The following INTS14 variants were observed in gnomAD, a reference collection of about 807,000 sequenced individuals.
INTS14 encodes UPF0464 protein C15orf44.
A neutral mutation model predicts 56.9 loss-of-function variants in INTS14; 27 were observed. The observed-to-expected ratio is 0.47, with a 90% CI of 0.35 to 0.65. The LOEUF (loss-of-function observed/expected upper bound fraction) is 0.65, where lower values mean the gene tolerates loss of function less well. Among genes scored for constraint, INTS14 ranks in the 30% least tolerant of loss-of-function variants. The probability of loss-of-function intolerance (pLI) is 0.00; values close to 1 mark genes in which losing one functional copy is unlikely to be tolerated. For missense variants in INTS14, 517 were observed against 632.2 expected, an observed-to-expected ratio of 0.82 and a Z score of 1.95; for synonymous variants, 207 against 236.2, an observed-to-expected ratio of 0.88 and a Z score of 1.13.
At chr15:65,579,989 C>A (rs965633845) in intron 11 of INTS14, among the ~76,000 whole-genome samples, 1 of 152,038 alleles carries the variant, frequency 6.6e-6, no homozygotes, top group African/African-American at 2.4e-5. Context: ...AGTACTTTTC[C>A]CCTGTTATTT....
At position 65,607,166 on chromosome 15, in the gene INTS14, G is replaced by T. The variant is rs763609398; in HGVS notation, c.215C>A (p.Thr72Asn). The T allele has an allele frequency of 1.1e-5, 18 of 1,613,980 alleles. No homozygotes were observed. Among genetic ancestry groups the T allele is most frequent in the East Asian group, 4.5e-5 (2 of 44,900 alleles). Residue 72 changes from threonine to asparagine, a missense_variant, in exon 2 of 12, where the codon ACC becomes AAC. Thr to Asn is a moderately conservative substitution (Grantham distance 65). Transcript: ENST00000313182. ...LMVPFTRDYNTLQEALSNMDD... is the reference protein window; with the variant it reads ...LMVPFTRDYNNLQEALSNMDD... ...ACTTACTACATTTTGTACCTGTAGG[G>T]TATTATAATCTCTCGTGAAGGGGAC...
At chr15:65,605,083 G>A (rs2073595943) in intron 3 of INTS14, 46 bp downstream of exon 3, 1 of 1,420,738 alleles carries the variant, frequency 7.0e-7, no homozygotes, top group African/African-American at 1.4e-5. Flanking sequence ...GCACCTCAGT[G>A]GTTAATGTTG....
intron 9 of INTS14, 29 bp downstream of exon 9, chr15:65,591,569 G>A (rs1182057329): frequency 6.2e-7 from 1 of 1,607,642 alleles, no homozygotes; most frequent in Non-Finnish European, 8.5e-7. Flanking sequence ...AACAAAGTCA[G>A]GATAAGTAAA....
chr15:65,600,677 AG>A (rs1317923159), intron 3 of INTS14, among the ~76,000 whole-genome samples: 1 of 152,004 alleles, frequency 6.6e-6, no homozygotes, highest in Non-Finnish European at 1.5e-5. Flanking sequence ...CAACAAAAAA[AG>A]GCACGAGAAA....
intron 6 of INTS14, among the ~76,000 whole-genome samples, chr15:65,596,731 TG>T (rs2073226257): frequency 6.6e-6 from 1 of 152,114 alleles, no homozygotes; most frequent in Non-Finnish European, 1.5e-5. Context: ...CCACCACGCC[TG>T]GCTAATTTTG....
chr15:65,608,415 A>C (rs888220894), intron 1 of INTS14, among the ~76,000 whole-genome samples: 1 of 151,954 alleles, frequency 6.6e-6, no homozygotes, highest in African/African-American at 2.4e-5. Context: ...TTATCTCATG[A>C]AATTGGGTAG....
intron 6 of INTS14, among the ~76,000 whole-genome samples, chr15:65,596,319 A>G (rs2073210307): frequency 6.6e-6 from 1 of 152,224 alleles, no homozygotes; most frequent in Non-Finnish European, 1.5e-5. Context: ...GTAAAGACCA[A>G]AAGTATTTGT....
chr15:65,585,100 T>C (rs1176602181), intron 9 of INTS14, among the ~76,000 whole-genome samples: 1 of 152,214 alleles, frequency 6.6e-6, no homozygotes, highest in Non-Finnish European at 1.5e-5. Flanking sequence ...AACAGCTTAA[T>C]GTTTTTAAAG....
intron 7 of INTS14, 43 bp downstream of exon 7, chr15:65,595,688 TAG>T: frequency 6.9e-7 from 1 of 1,447,162 alleles, no homozygotes; most frequent in Non-Finnish European, 9.5e-7. Context: ...AGAACAACTT[TAG>T]TTAATAAGAC....
chr15:65,607,269 G>T lies in INTS14; in HGVS notation c.112C>A (p.Leu38Met), dbSNP rs911313760. ...KHLAAHGLTM[L>M]FEHMATNYKL... ...TAATTTGTGGCCATGTGCTCAAACAGCATCGTTAAACCATGGGCTGCTAGG... is the reference window on the plus strand; with the variant it reads ...TAATTTGTGGCCATGTGCTCAAACATCATCGTTAAACCATGGGCTGCTAGG... Residue 38 changes from leucine to methionine, a missense_variant, in exon 2 of 12, where the codon CTG (leucine) becomes ATG (methionine). Physicochemically the swap from Leu to Met is conservative, Grantham distance 15 (BLOSUM62 2). Transcript: ENST00000313182. 5 of 1,614,146 alleles carry T rather than the reference G, an allele frequency of 3.1e-6. No individual in the cohort carries two copies. Among genetic ancestry groups the T allele is most frequent in the Non-Finnish European group, 4.2e-6 (5 of 1,180,026 alleles).
At chr15:65,608,024 T>C (rs1488225303) in intron 1 of INTS14, among the ~76,000 whole-genome samples, 1 of 152,326 alleles carries the variant, frequency 6.6e-6, no homozygotes, top group East Asian at 1.9e-4. Flanking sequence ...CTCAGTAGTA[T>C]TCATTGTACA....
intron 10 of INTS14, 131 bp downstream of exon 10, chr15:65,584,639 G>T: frequency 1.4e-6 from 1 of 738,492 alleles, no homozygotes; most frequent in Non-Finnish European, 2.1e-6. Context: ...ATCCCTTTTG[G>T]AAATAATGAC....
chr15:65,604,895 G>A lies in INTS14; in HGVS notation c.330+234C>T, dbSNP rs546051758. On this transcript the variant is annotated intron_variant, in intron 3 of 11. Coordinates refer to ENST00000313182, the MANE Select transcript of INTS14 (RefSeq NM_001394796.1). Reference sequence around the variant, plus strand: ...TGAGCCCTTTGTGTTTTATATAACAGTACTAGTTTGCAATAAGTCAATTTA... The same window carrying A: ...TGAGCCCTTTGTGTTTTATATAACAATACTAGTTTGCAATAAGTCAATTTA... Among the ~76,000 whole-genome samples, 34 of 152,266 alleles carry A rather than the reference G, an allele frequency of 2.2e-4. No individual in the cohort carries two copies. The East Asian group carries it at 3.9e-3, about 17-fold the overall frequency.
Position 65,590,178 on chromosome 15 carries a change from A to G in INTS14, c.1120+1420T>C, listed in dbSNP as rs543053022. Among the ~76,000 whole-genome samples the G allele has an allele frequency of 1.8e-3, 281 of 152,306 alleles. 1 individual carries two copies. In the Middle Eastern group the frequency reaches 0.02, roughly 11 times the overall value. ...ATCTTCACATTTCCAGGATTAACAC[A>G]GTAACTTTCAGCCACAGGTCCTTGC... On this transcript the variant is annotated intron_variant, in intron 9 of 11. Coordinates refer to ENST00000313182, the MANE Select transcript of INTS14 (RefSeq NM_001394796.1).
chr15:65,591,697 C>T lies in INTS14; in HGVS notation c.1021G>A (p.Asp341Asn). The T allele has an allele frequency of 6.2e-7, 1 of 1,614,176 alleles. No homozygotes were observed. ...ATGAGGTTTGATTTCTTCTTGCTGT[C>T]AGCTTGGGAGTAGAGCATTCCATGC... Reference protein sequence around the residue: ...EWHGMLYSQADSKKKSNLMMS... With the variant: ...EWHGMLYSQANSKKKSNLMMS... The change falls in exon 9 of 12, where the codon GAC becomes AAC. Residue 341 changes from aspartate (D) to asparagine (N), a missense_variant. By Grantham distance (23) the Asp-to-Asn change is conservative. Transcript: ENST00000313182.
chr15:65,596,685 C>T (rs948689011), intron 6 of INTS14, among the ~76,000 whole-genome samples: 3 of 152,140 alleles, frequency 2.0e-5, no homozygotes, highest in Non-Finnish European at 4.4e-5. Flanking sequence ...ATTCTCCTGC[C>T]TCAGCCTCCC....
At chr15:65,608,364 C>CAAAAAAA (rs35399300) in intron 1 of INTS14, among the ~76,000 whole-genome samples, 1 of 64,028 alleles carries the variant, frequency 1.6e-5, no homozygotes, top group East Asian at 3.5e-4. Flanking sequence ...GGCTCCATCT[C>CAAAAAAA]AAAAAAAAAA....
In INTS14 at chr15:65,584,804, T is replaced by C. The variant is rs768681172; in HGVS notation, c.1205A>G (p.Asn402Ser). 2 of 1,613,486 alleles carry C rather than the reference T, an allele frequency of 1.2e-6. No homozygotes were observed. The highest frequency in any genetic ancestry group is 3.3e-5 in the Admixed American group (2 of 59,938). ...GCTGGGTTTGATCCAGACAGTCACA[T>C]TCTGGGCATAACTGCGTTTGTTTTT... is the stretch of plus-strand genomic sequence containing the variant. ...QPKNKRSYAQ[N>S]VTVWIKPSGL... Residue 402 changes from asparagine to serine, a missense_variant, in exon 10 of 12, where the codon AAT becomes AGT. Physicochemically the swap from Asn to Ser is conservative, Grantham distance 46. Transcript: ENST00000313182.
At position 65,579,607 on chromosome 15, in the gene INTS14, A is replaced by G. The variant is rs759644796; in HGVS notation, c.1358T>C (p.Leu453Pro). ...TTCCAGCATGTCAGCCACCCCTTTC[A>G]GCAGGTCCAGGAAACCAAAGGCTAG... is the stretch of plus-strand genomic sequence containing the variant. Reference protein sequence around the residue: ...AALAFGFLDLLKGVADMLERE... With the variant: ...AALAFGFLDLPKGVADMLERE... Residue 453 changes from leucine (L) to proline (P), a missense_variant, in exon 12 of 12, where the codon CTG becomes CCG. Leu to Pro is a moderately conservative substitution (Grantham distance 98). Transcript: ENST00000313182. 4 of 1,613,994 alleles carry G rather than the reference A, an allele frequency of 2.5e-6. No individual in the cohort carries two copies. The highest frequency in any genetic ancestry group is 2.7e-5 in the African/African-American group (2 of 74,934).
Sources: gnomAD v4.1 joint callset for allele counts (sites outside exome capture counted in the v4.1 genomes callset) on GRCh38, gnomAD v4.1.1 for gene constraint, MANE v1.5 for transcripts, NCBI Gene and HGNC (gene_info 2026-07-23, HGNC 2026-07-21) for gene names.